CEP350: variants seen among roughly 807,000 people sequenced by gnomAD.
CEP350 encodes centrosome-associated protein 350.
A neutral mutation model predicts 331.8 loss-of-function variants in CEP350; 126 were observed. The observed-to-expected ratio is 0.38, with a 90% confidence interval of 0.33 to 0.44. The LOEUF is 0.44. CEP350 is among the 20% of genes least tolerant of loss of function. The probability of loss-of-function intolerance (pLI) is 1.00; values close to 1 mark genes in which losing one functional copy is unlikely to be tolerated. For missense variants in CEP350, 3,406 were observed against 3,634.6 expected (o/e 0.94, Z 1.62); for synonymous variants, 1,200 against 1,259.5 (o/e 0.95, Z 1.00).
rs770785402 is a variant in CEP350 at position 180,032,799 on chromosome 1, G to A, written c.3726-1063G>A. Among the ~76,000 whole-genome samples, 5 of 152,040 alleles carry A rather than the reference G, an allele frequency of 3.3e-5. No homozygotes were observed. In the South Asian group the frequency reaches 1.0e-3, roughly 32 times the overall value. The stretch of plus-strand genomic sequence containing the variant: ...ATAAATTCATCTTATAAAACCCTAA[G>A]GTGAGGTGCAGAGTACTTTGTTTTC... On this transcript the variant is annotated intron_variant, in intron 15 of 37. Transcript: ENST00000367607.
In CEP350 at chr1:179,967,662, C is replaced by T. The variant is rs1372808371; in HGVS notation, c.-14+12520C>T. ...CCTGACCCCAGGTGATCGCCCACCT[C>T]GGCCTCCCAAAGTGCTGGTATTACA... On this transcript the variant is annotated intron_variant, in intron 1 of 37. Transcript: ENST00000367607. Among the ~76,000 whole-genome samples the T allele has an allele frequency of 6.6e-5, 10 of 152,228 alleles. No homozygotes were observed. The South Asian group carries it at 1.0e-3, about 16-fold the overall frequency.
At chr1:180,102,666 T>C (rs1392967659) in intron 37 of CEP350, among the ~76,000 whole-genome samples, 2 of 152,232 alleles carry the variant, frequency 1.3e-5, no homozygotes, top group African/African-American at 4.8e-5. Flanking sequence ...TTTTCCTTCA[T>C]TCTGAGCTCG....
At position 180,038,224 on chromosome 1, in the gene CEP350, TTTTTG is replaced by T. The variant is rs373193114; in HGVS notation, c.4110+1150_4110+1154del. On this transcript the variant is annotated intron_variant, in intron 17 of 37. Transcript: ENST00000367607. ...TTATCCATGTTGTTTTATCAGTAGT[TTTTTG>T]TTTTGTTTTGTTTTTTGGTGAGTAA... 3.3e-3 allele frequency among the ~76,000 whole-genome samples: 506 copies of T among 152,322 alleles called. 1 individual carries two copies. Among genetic ancestry groups the T allele is most frequent in the African/African-American group, 0.011 (477 of 41,572 alleles).
intron 19 of CEP350, among the ~76,000 whole-genome samples, chr1:180,042,381 A>G (rs1453882663): frequency 7.9e-5 from 12 of 152,236 alleles, no homozygotes; most frequent in Admixed American, 7.2e-4. Context: ...GGATATCACA[A>G]TTCATAATTG....
intron 1 of CEP350, among the ~76,000 whole-genome samples, chr1:179,958,579 G>A (rs1239221994): frequency 2.6e-5 from 4 of 152,146 alleles, no homozygotes; most frequent in African/African-American, 9.7e-5. Context: ...GAACCATGCG[G>A]TGGACCTTCT....
chr1:180,081,850 G>A (rs965163476), intron 30 of CEP350, among the ~76,000 whole-genome samples: 1 of 152,106 alleles, frequency 6.6e-6, no homozygotes, highest in Non-Finnish European at 1.5e-5. Flanking sequence ...AATTCTTTTT[G>A]TATATTTCAG....
intron 32 of CEP350, 38 bp from the exon 33 acceptor site, chr1:180,090,676 A>C (rs10798729): frequency 0.64 from 955,237 of 1,503,388 alleles, 308,835 homozygotes; most frequent in Admixed American, 0.75. Flanking sequence ...TTATTATAGT[A>C]ATATGTTTAT....
At chr1:180,009,631 A>G (rs189800981) in intron 8 of CEP350, among the ~76,000 whole-genome samples, 1 of 152,332 alleles carries the variant, frequency 6.6e-6, no homozygotes. Flanking sequence ...GCCAACATGT[A>G]TAAATTACTA....
At chr1:180,070,954 C>T (rs997244959) in intron 27 of CEP350, among the ~76,000 whole-genome samples, 3 of 151,512 alleles carry the variant, frequency 2.0e-5, no homozygotes, top group African/African-American at 7.3e-5. Flanking sequence ...TCGAGACCAA[C>T]CTGGCCAACA....
intron 14 of CEP350, among the ~76,000 whole-genome samples, chr1:180,026,802 CCTTT>C (rs1204241411): frequency 1.3e-5 from 2 of 152,136 alleles, no homozygotes; most frequent in Admixed American, 6.5e-5. Flanking sequence ...ATCAGAATTT[CCTTT>C]CTTTCTATTG....
intron 1 of CEP350, among the ~76,000 whole-genome samples, chr1:179,964,160 G>C (rs1282913232): frequency 6.6e-6 from 1 of 152,114 alleles, no homozygotes; most frequent in Non-Finnish European, 1.5e-5. Context: ...ACTGTTGTAA[G>C]TTGATTTTGC....
At chr1:180,025,504 G>A (rs1309133037) in intron 14 of CEP350, among the ~76,000 whole-genome samples, 1 of 152,098 alleles carries the variant, frequency 6.6e-6, no homozygotes, top group Non-Finnish European at 1.5e-5. Flanking sequence ...ATAGGCCTAC[G>A]GAGATGGATA....
chr1:179,991,542 C>A (rs962239326), intron 4 of CEP350, among the ~76,000 whole-genome samples: 1 of 151,424 alleles, frequency 6.6e-6, no homozygotes, highest in Non-Finnish European at 1.5e-5. Context: ...CCTGCCTTGG[C>A]CTCCCAAAGT....
At chr1:180,063,044 C>T (rs991915901) in intron 26 of CEP350, among the ~76,000 whole-genome samples, 2 of 152,074 alleles carry the variant, frequency 1.3e-5, no homozygotes, top group African/African-American at 2.4e-5. Context: ...GGGCTTTGCT[C>T]TTATTTATCA....
intron 22 of CEP350, 129 bp downstream of exon 22, chr1:180,048,834 T>TCAC: frequency 2.8e-6 from 2 of 712,958 alleles, no homozygotes; most frequent in Non-Finnish European, 4.6e-6. Context: ...TTTGGGAGGC[T>TCAC]GAGCTGGGAG....
rs542929927 is a variant in CEP350 at position 180,083,499 on chromosome 1, TTC to T, written c.6125-513_6125-512del. Among the ~76,000 whole-genome samples the T allele has an allele frequency of 3.9e-5, 6 of 152,082 alleles. 1 individual carries two copies. The South Asian group carries it at 1.2e-3, about 31-fold the overall frequency. ...ACAGCAGAGTCTATTTCTTTATAAC[TTC>T]TCTCTTTTTAATGTGGTATTAAGCC... On this transcript the variant is annotated intron_variant, in intron 30 of 37. Coordinates refer to ENST00000367607, the MANE Select transcript of CEP350 (RefSeq NM_014810.5).
In CEP350 at chr1:180,087,502, A is replaced by C. The variant is rs935226256; in HGVS notation, c.6286-76A>C. ...CTTTACTGTTTGAGCATTTTACCTT[A>C]AAATATACTATTTTATAATTTAAAA... On this transcript the variant is annotated intron_variant, in intron 31 of 37. Transcript: ENST00000367607. 6 of 1,328,090 alleles carry C rather than the reference A, an allele frequency of 4.5e-6. No individual in the cohort carries two copies. The South Asian group carries it at 7.8e-5, about 17-fold the overall frequency. 82.3% of individuals were successfully genotyped at this position (1,328,090 alleles called of 1,614,324 possible).
chr1:180,081,967 A>G (rs1049565987), intron 30 of CEP350, among the ~76,000 whole-genome samples: 12 of 152,182 alleles, frequency 7.9e-5, no homozygotes, highest in African/African-American at 2.9e-4. Flanking sequence ...ATTTGCTTTT[A>G]TGTACGTTGG....
At chr1:179,990,455 C>A in intron 3 of CEP350, 52 bp from the exon 4 acceptor site, 1 of 919,898 alleles carries the variant, frequency 1.1e-6, no homozygotes, top group Non-Finnish European at 1.6e-6. Flanking sequence ...TTGATGGTAG[C>A]TGGATTATTT....
Sources: allele counts gnomAD v4.1 joint callset (sites outside exome capture counted in the v4.1 genomes callset), GRCh38; gene constraint gnomAD v4.1.1; transcripts MANE v1.5; gene names NCBI Gene and HGNC (gene_info 2026-07-23, HGNC 2026-07-21).